The following TCF12 variants were observed in gnomAD, a reference collection of about 807,000 sequenced individuals.
TCF12 encodes the protein transcription factor 12, also known as DNA-binding protein HTF4.
In TCF12, 45 loss-of-function variants were observed where a neutral mutation model predicts 86.0. The ratio of observed to expected loss-of-function variants is 0.52; its 90% confidence interval spans 0.41 to 0.67. The LOEUF (loss-of-function observed/expected upper bound fraction) is 0.67, where lower values mean the gene tolerates loss of function less well. Among genes scored for constraint, TCF12 ranks in the 30% least tolerant of loss-of-function variants. TCF12 has a pLI of 0.00. For missense variants in TCF12, 881 were observed against 859.9 expected (o/e 1.02, Z -0.31); for synonymous variants, 330 against 299.6 (o/e 1.10, Z -1.05).
At chr15:57,263,081 T>C in intron 17 of TCF12, 31 bp from the exon 18 acceptor site, 1 of 1,577,880 alleles carries the variant, frequency 6.3e-7, no homozygotes, top group Non-Finnish European at 8.5e-7. Flanking sequence ...GTCTCGTCTT[T>C]TATTTTATCT....
chr15:57,270,883 T>C (rs1039152784), intron 18 of TCF12, among the ~76,000 whole-genome samples: 1 of 152,182 alleles, frequency 6.6e-6, no homozygotes, highest in Non-Finnish European at 1.5e-5. Flanking sequence ...TGCCTGGGTA[T>C]CACCAGCGGA....
chr15:57,189,933 A>G (rs1214881179), intron 6 of TCF12, among the ~76,000 whole-genome samples: 4 of 152,364 alleles, frequency 2.6e-5, no homozygotes, highest in African/African-American at 9.6e-5. Context: ...ACAAGCTGTA[A>G]TATAGATGAA....
intron 5 of TCF12, among the ~76,000 whole-genome samples, chr15:57,120,549 G>A (rs1166935971): frequency 6.6e-6 from 1 of 152,160 alleles, no homozygotes; most frequent in Non-Finnish European, 1.5e-5. Flanking sequence ...TTGTTTGAAT[G>A]CATATCTGTC....
intron 6 of TCF12, among the ~76,000 whole-genome samples, chr15:57,184,097 C>G (rs1315729812): frequency 2.6e-5 from 4 of 152,100 alleles, no homozygotes; most frequent in Non-Finnish European, 5.9e-5. Context: ...CTCTTCACCA[C>G]CCTGCAGACT....
chr15:57,219,460 A>G, intron 8 of TCF12: 2 of 1,570,660 alleles, frequency 1.3e-6, no homozygotes, highest in East Asian at 2.3e-5. Context: ...GCCTGTGTGG[A>G]TATATGTCTT....
At chr15:57,256,634 T>G (rs2060362600) in intron 16 of TCF12, among the ~76,000 whole-genome samples, 1 of 146,668 alleles carries the variant, frequency 6.8e-6, no homozygotes, top group Admixed American at 7.1e-5. Context: ...TTAACATAAG[T>G]TAGTATTTGT....
chr15:56,920,837 A>G (rs1024074417), intron 2 of TCF12, among the ~76,000 whole-genome samples, 189 bp from the exon 3 acceptor site: 1 of 152,194 alleles, frequency 6.6e-6, no homozygotes, highest in Non-Finnish European at 1.5e-5. Flanking sequence ...AAATGTAACC[A>G]TTATTTCCAA....
At chr15:57,005,149 A>G (rs765849677) in intron 3 of TCF12, among the ~76,000 whole-genome samples, 2 of 152,222 alleles carry the variant, frequency 1.3e-5, no homozygotes, top group African/African-American at 4.8e-5. Flanking sequence ...ACTTCCTAGT[A>G]TTTCTGGGTG....
At chr15:56,924,626 A>C (rs141578998) in intron 3 of TCF12, among the ~76,000 whole-genome samples, 5 of 152,354 alleles carry the variant, frequency 3.3e-5, no homozygotes, top group African/African-American at 1.2e-4. Flanking sequence ...TATAATTTGT[A>C]GTAAATACAT....
chr15:56,931,574 G>A (rs2140269838), intron 3 of TCF12, among the ~76,000 whole-genome samples: 1 of 152,234 alleles, frequency 6.6e-6, no homozygotes, highest in South Asian at 2.1e-4. Context: ...TTGCTGTAGG[G>A]AACAGACAAA....
intron 3 of TCF12, among the ~76,000 whole-genome samples, chr15:57,035,132 CAGTTACCTTA>C (rs1360459745): frequency 6.6e-6 from 1 of 152,092 alleles, no homozygotes; most frequent in Non-Finnish European, 1.5e-5. Flanking sequence ...GAGATTGGTA[CAGTTACCTTA>C]ATTACCAGAT....
intron 5 of TCF12, among the ~76,000 whole-genome samples, chr15:57,113,568 C>A (rs1006140511): frequency 6.6e-6 from 1 of 151,596 alleles, no homozygotes; most frequent in Non-Finnish European, 1.5e-5. Context: ...TTTTAATGCT[C>A]ATTTCCTAAC....
intron 3 of TCF12, among the ~76,000 whole-genome samples, chr15:57,032,009 C>T (rs543753330): frequency 3.3e-5 from 5 of 152,006 alleles, no homozygotes; most frequent in African/African-American, 1.2e-4. Flanking sequence ...ACTCTATCCT[C>T]TCAATGTTTT....
chr15:57,047,141 A>G lies in TCF12; in HGVS notation c.149-16609A>G, dbSNP rs564529933. Among the ~76,000 whole-genome samples, 11 of 152,380 alleles carry G rather than the reference A, an allele frequency of 7.2e-5. No individual in the cohort carries two copies. In the South Asian group the frequency reaches 1.0e-3, roughly 14 times the overall value. On this transcript the variant is annotated intron_variant, in intron 3 of 20. Transcript: ENST00000333725. The stretch of plus-strand genomic sequence containing the variant: ...CATACTTAAGGAAATACTGTCACCT[A>G]TAAGTATTTTGCCAGCGTTTTGCTG...
intron 20 of TCF12, among the ~76,000 whole-genome samples, chr15:57,285,852 C>G (rs2152153973): frequency 6.6e-6 from 1 of 152,238 alleles, no homozygotes; most frequent in African/African-American, 2.4e-5. Flanking sequence ...TGCTTGAGCC[C>G]AGGAGTTGAA....
chr15:56,994,708 T>G (rs1307483263), intron 3 of TCF12, among the ~76,000 whole-genome samples: 1 of 152,084 alleles, frequency 6.6e-6, no homozygotes, highest in African/African-American at 2.4e-5. Context: ...TGTTTATAAC[T>G]AGCAAAAGTA....
At chr15:57,225,320 A>G (rs2058823708) in intron 8 of TCF12, among the ~76,000 whole-genome samples, 3 of 139,380 alleles carry the variant, frequency 2.2e-5, no homozygotes, top group Non-Finnish European at 3.0e-5. Context: ...GCTCACTGCA[A>G]GCTCCGCCTC....
chr15:57,263,564 G>A (rs1597734292), intron 18 of TCF12, among the ~76,000 whole-genome samples: 1 of 152,170 alleles, frequency 6.6e-6, no homozygotes, highest in African/African-American at 2.4e-5. Context: ...ATAAGTAGAA[G>A]GTAAAATAGC....
intron 14 of TCF12, 108 bp downstream of exon 14, chr15:57,251,531 T>G: frequency 9.5e-7 from 1 of 1,052,420 alleles, no homozygotes. Context: ...GCACATGAAT[T>G]CTTTGCTAAC....
Sources: allele counts gnomAD v4.1 joint callset (sites outside exome capture counted in the v4.1 genomes callset), GRCh38; gene constraint gnomAD v4.1.1; transcripts MANE v1.5; gene names NCBI Gene and HGNC (gene_info 2026-07-23, HGNC 2026-07-21).